CDKAL1: variants seen among roughly 807,000 people sequenced by gnomAD.
CDKAL1 encodes CDKAL1 threonylcarbamoyladenosine tRNA methylthiotransferase.
Under a neutral mutation model 68.2 loss-of-function variants are expected in CDKAL1, and 32 were observed. That is an observed-to-expected ratio of 0.47 (90% CI 0.35 to 0.63). The LOEUF is 0.63. Among genes scored for constraint, CDKAL1 ranks in the 30% least tolerant of loss-of-function variants. The probability of loss-of-function intolerance (pLI) is 0.00; values close to 1 mark genes in which losing one functional copy is unlikely to be tolerated. For missense variants in CDKAL1, 606 were observed against 696.7 expected, an observed-to-expected ratio of 0.87 and a Z score of 1.47; for synonymous variants, 234 against 244.3, an observed-to-expected ratio of 0.96 and a Z score of 0.39.
intron 4 of CDKAL1, among the ~76,000 whole-genome samples, chr6:20,609,805 G>T (rs563389341): frequency 1.2e-4 from 18 of 151,846 alleles, no homozygotes; most frequent in African/African-American, 3.6e-4. Context: ...TTTACTTCAG[G>T]GGTACAAGTG....
At chr6:20,563,904 T>C (rs1764362556) in intron 4 of CDKAL1, among the ~76,000 whole-genome samples, 1 of 152,210 alleles carries the variant, frequency 6.6e-6, no homozygotes, top group Non-Finnish European at 1.5e-5. Flanking sequence ...ATAACTTGGC[T>C]CATTATCTAA....
intron 13 of CDKAL1, among the ~76,000 whole-genome samples, chr6:21,110,030 C>A (rs890250689): frequency 5.9e-5 from 9 of 152,176 alleles, no homozygotes; most frequent in Non-Finnish European, 5.9e-5. Flanking sequence ...ATTATTTTGG[C>A]TTCCCTTCAT....
intron 8 of CDKAL1, among the ~76,000 whole-genome samples, chr6:20,806,238 T>A (rs1384365744): frequency 6.6e-6 from 1 of 152,180 alleles, no homozygotes; most frequent in Non-Finnish European, 1.5e-5. Context: ...CCTGTGGTAT[T>A]TGGTTTTCTG....
intron 4 of CDKAL1, among the ~76,000 whole-genome samples, chr6:20,594,667 T>C (rs1340999668): frequency 6.6e-6 from 1 of 152,240 alleles, no homozygotes; most frequent in Non-Finnish European, 1.5e-5. Context: ...TTGGGGCATT[T>C]AGCCCATTTA....
chr6:20,734,230 A>G (rs180750275), intron 5 of CDKAL1, among the ~76,000 whole-genome samples: 123 of 152,058 alleles, frequency 8.1e-4, no homozygotes, highest in African/African-American at 2.9e-3. Flanking sequence ...ACAAGAGGGA[A>G]AAGCTTCTTT....
At chr6:20,874,746 G>A (rs887448039) in intron 9 of CDKAL1, among the ~76,000 whole-genome samples, 4 of 151,768 alleles carry the variant, frequency 2.6e-5, no homozygotes, top group African/African-American at 9.7e-5. Context: ...CAAGTGATCC[G>A]CCTACCTTGG....
intron 9 of CDKAL1, among the ~76,000 whole-genome samples, chr6:20,877,926 C>T (rs1021992702): frequency 7.2e-5 from 11 of 152,128 alleles, no homozygotes; most frequent in Admixed American, 3.9e-4. Flanking sequence ...CTGTCAAATG[C>T]ACTTACTTAT....
chr6:21,003,371 T>TATACACACACACACACACACACAC, intron 11 of CDKAL1, among the ~76,000 whole-genome samples: 3 of 49,302 alleles, frequency 6.1e-5, no homozygotes, highest in Admixed American at 2.9e-4. Context: ...TATATATATA[T>TATACACACACACACACACACACAC]ACACACACAC....
At chr6:20,715,933 T>C (rs988875205) in intron 5 of CDKAL1, among the ~76,000 whole-genome samples, 2 of 152,224 alleles carry the variant, frequency 1.3e-5, no homozygotes, top group Admixed American at 6.5e-5. Flanking sequence ...TTTTCTGATA[T>C]GGATTTATTT....
chr6:20,563,756 G>A (rs567059690), intron 4 of CDKAL1, among the ~76,000 whole-genome samples: 2 of 151,968 alleles, frequency 1.3e-5, no homozygotes, highest in East Asian at 3.9e-4. Flanking sequence ...TGTAGTCAAT[G>A]TGTATTCTTC....
At chr6:20,805,703 C>T (rs111925298) in intron 8 of CDKAL1, among the ~76,000 whole-genome samples, 3 of 152,144 alleles carry the variant, frequency 2.0e-5, no homozygotes, top group African/African-American at 7.2e-5. Context: ...AAAATCTATT[C>T]TCAGCAGAAA....
chr6:21,031,003 A>G (rs1231495733), intron 11 of CDKAL1, among the ~76,000 whole-genome samples: 1 of 152,034 alleles, frequency 6.6e-6, no homozygotes, highest in African/African-American at 2.4e-5. Flanking sequence ...AAGTAACACA[A>G]ATATATTATC....
At chr6:20,911,841 G>A (rs1762482812) in intron 9 of CDKAL1, among the ~76,000 whole-genome samples, 1 of 152,168 alleles carries the variant, frequency 6.6e-6, no homozygotes, top group South Asian at 2.1e-4. Flanking sequence ...CATTTTAACA[G>A]TTAATGTTTG....
chr6:20,974,368 G>A (rs1230428699), intron 10 of CDKAL1, among the ~76,000 whole-genome samples: 1 of 152,196 alleles, frequency 6.6e-6, no homozygotes. Flanking sequence ...GTGGTCAGAG[G>A]TGTAGTTAAA....
chr6:21,142,781 G>C (rs114627778), intron 13 of CDKAL1, among the ~76,000 whole-genome samples: 1,590 of 152,262 alleles, frequency 0.01, 22 homozygotes, highest in African/African-American at 0.028. Flanking sequence ...ATTCAAGCAA[G>C]GCAACGTTAC....
chr6:20,959,897 A>G (rs1400567964), intron 10 of CDKAL1, among the ~76,000 whole-genome samples: 1 of 152,232 alleles, frequency 6.6e-6, no homozygotes, highest in Non-Finnish European at 1.5e-5. Context: ...GTATTAATTC[A>G]GACTGAAAAT....
chr6:20,674,575 C>A (rs1046180371), intron 5 of CDKAL1, among the ~76,000 whole-genome samples: 2 of 152,102 alleles, frequency 1.3e-5, no homozygotes, highest in Non-Finnish European at 2.9e-5. Flanking sequence ...TTTATCATTT[C>A]TTTGGGTTGG....
chr6:21,198,800 G>T (rs1484169195), intron 14 of CDKAL1, among the ~76,000 whole-genome samples: 1 of 152,208 alleles, frequency 6.6e-6, no homozygotes, highest in Non-Finnish European at 1.5e-5. Context: ...CCACCGAGGA[G>T]CCTGACTTCT....
intron 9 of CDKAL1, among the ~76,000 whole-genome samples, chr6:20,940,440 T>C (rs1763915100): frequency 6.6e-6 from 1 of 152,202 alleles, no homozygotes; most frequent in African/African-American, 2.4e-5. Context: ...ATATGTATAA[T>C]TTAAAATGTT....
Sources: allele counts gnomAD v4.1 joint callset (sites outside exome capture counted in the v4.1 genomes callset), GRCh38; gene constraint gnomAD v4.1.1; transcripts MANE v1.5; gene names NCBI Gene and HGNC (gene_info 2026-07-23, HGNC 2026-07-21).